PARD3B: variants seen among roughly 807,000 people sequenced by gnomAD.
PARD3B encodes partitioning defective 3 homolog B.
A neutral mutation model predicts 130.2 loss-of-function variants in PARD3B; 103 were observed. The ratio of observed to expected loss-of-function variants is 0.79; its 90% CI spans 0.67 to 0.93. PARD3B has a LOEUF of 0.93. Among genes scored for constraint, PARD3B ranks in the 40% least tolerant of loss-of-function variants. The pLI is 0.00. For missense variants in PARD3B, 1,609 were observed against 1,499.2 expected, an observed-to-expected ratio of 1.07 and a Z score of -1.21; for synonymous variants, 583 against 553.2, an observed-to-expected ratio of 1.05 and a Z score of -0.76.
At chr2:204,740,419 C>G (rs1355174436) in intron 2 of PARD3B, among the ~76,000 whole-genome samples, 2 of 152,188 alleles carry the variant, frequency 1.3e-5, no homozygotes, top group African/African-American at 4.8e-5. Flanking sequence ...CTTCAGTTAT[C>G]TATTTCTGTA....
intron 10 of PARD3B, among the ~76,000 whole-genome samples, chr2:205,154,526 C>A (rs2033983403): frequency 6.6e-6 from 1 of 152,162 alleles, no homozygotes; most frequent in Non-Finnish European, 1.5e-5. Context: ...TACTATTTGA[C>A]CCATCAATCC....
chr2:205,392,725 C>T (rs900702803), intron 18 of PARD3B, among the ~76,000 whole-genome samples: 1 of 152,064 alleles, frequency 6.6e-6, no homozygotes, highest in African/African-American at 2.4e-5. Flanking sequence ...TGCCATGGAA[C>T]GGATTTAGAG....
Position 204,548,870 on chromosome 2 carries a change from A to G in PARD3B, c.120+2751A>G, listed in dbSNP as rs184213191. ...AGACATCCAGGTGGCGAGTGCTATA[A>G]AGAACCAAATTTGGTGGGAACATGA... On this transcript the variant is annotated intron_variant, in intron 1 of 22. Coordinates refer to ENST00000406610, the MANE Select transcript of PARD3B (RefSeq NM_001302769.2). Among the ~76,000 whole-genome samples the G allele has an allele frequency of 4.6e-5, 7 of 152,324 alleles. No individual in the cohort carries two copies. The South Asian group carries it at 6.2e-4, about 14-fold the overall frequency.
chr2:204,886,480 A>G (rs1218906905), intron 2 of PARD3B, among the ~76,000 whole-genome samples: 4 of 152,204 alleles, frequency 2.6e-5, no homozygotes, highest in Non-Finnish European at 5.9e-5. Flanking sequence ...ATTGGGTCTT[A>G]GTGTTTTATG....
In PARD3B at chr2:205,617,521, G is replaced by A. The variant is rs1171643963; in HGVS notation, c.*1708G>A. On this transcript the variant is annotated 3_prime_UTR_variant, in exon 23 of 23. Transcript: ENST00000406610. ...TTCTGCTACCAAGAAGGATGCAACT[G>A]CTAGTTTTAGATGTAAATAGTGTTA... 4 of 152,280 alleles carry A rather than the reference G, an allele frequency of 2.6e-5. No individual in the cohort carries two copies. Among genetic ancestry groups the A allele is most frequent in the African/African-American group, 4.8e-5 (2 of 41,550 alleles). 9.4% of individuals were successfully genotyped at this position (152,280 alleles called of 1,614,324 possible). A position where few individuals can be genotyped will look rare whatever the true frequency, so the allele number is the denominator to read the frequency against.
chr2:204,733,993 A>G (rs2039634070), intron 2 of PARD3B, among the ~76,000 whole-genome samples: 1 of 152,212 alleles, frequency 6.6e-6, no homozygotes, highest in South Asian at 2.1e-4. Context: ...TTGTCAAGCC[A>G]AAGACTGGGA....
At chr2:205,464,295 A>T (rs60623560) in intron 20 of PARD3B, among the ~76,000 whole-genome samples, 366 of 152,336 alleles carry the variant, frequency 2.4e-3, no homozygotes, top group African/African-American at 8.3e-3. Context: ...GGATAAATCA[A>T]TGAATGAATG....
chr2:204,883,221 A>G (rs1031479443), intron 2 of PARD3B, among the ~76,000 whole-genome samples: 1 of 151,196 alleles, frequency 6.6e-6, no homozygotes, highest in Non-Finnish European at 1.5e-5. Context: ...CCTTTTCCTC[A>G]TCGTTTTCTC....
At chr2:204,988,556 T>C (rs1693378961) in intron 3 of PARD3B, among the ~76,000 whole-genome samples, 3 of 152,210 alleles carry the variant, frequency 2.0e-5, no homozygotes, top group Admixed American at 2.0e-4. Flanking sequence ...CATGATGTGC[T>C]TATTTCATAT....
chr2:205,576,154 T>G (rs1294029643), intron 22 of PARD3B, among the ~76,000 whole-genome samples: 1 of 152,044 alleles, frequency 6.6e-6, no homozygotes, highest in Non-Finnish European at 1.5e-5. Flanking sequence ...CATATACTGA[T>G]TTGCCATGTG....
intron 4 of PARD3B, among the ~76,000 whole-genome samples, chr2:205,097,055 C>A (rs1423206413): frequency 6.6e-6 from 1 of 152,050 alleles, no homozygotes; most frequent in African/African-American, 2.4e-5. Flanking sequence ...CTTTCTTTGA[C>A]CTTCAGTTTC....
intron 3 of PARD3B, among the ~76,000 whole-genome samples, chr2:205,026,945 T>C (rs1373661553): frequency 1.3e-5 from 2 of 152,176 alleles, no homozygotes; most frequent in Non-Finnish European, 2.9e-5. Flanking sequence ...GAGGTTGTTA[T>C]TGTAGGTGTT....
At chr2:204,863,749 A>G (rs2045305333) in intron 2 of PARD3B, among the ~76,000 whole-genome samples, 1 of 152,212 alleles carries the variant, frequency 6.6e-6, no homozygotes, top group Admixed American at 6.5e-5. Flanking sequence ...TGTGCATGAA[A>G]TTTGCAGTGC....
chr2:204,953,289 TTCTTTATTTG>T (rs1408703619), intron 2 of PARD3B, among the ~76,000 whole-genome samples: 1 of 152,170 alleles, frequency 6.6e-6, no homozygotes, highest in Non-Finnish European at 1.5e-5. Context: ...CATATGAATT[TTCTTTATTTG>T]TCTTTATGGA....
At chr2:204,904,492 CATCGTCT>C (rs1420816688) in intron 2 of PARD3B, among the ~76,000 whole-genome samples, 5 of 152,120 alleles carry the variant, frequency 3.3e-5, no homozygotes, top group Non-Finnish European at 5.9e-5. Flanking sequence ...TATTTGCATC[CATCGTCT>C]ACCCTTCTAT....
chr2:205,300,629 T>C lies in PARD3B; in HGVS notation c.2285T>C (p.Leu762Pro), dbSNP rs201433985. 2.5e-6 allele frequency: 4 copies of C among 1,613,952 alleles called. No homozygotes were observed. Among genetic ancestry groups the C allele is most frequent in the East Asian group, 4.5e-5 (2 of 44,876 alleles). ...TAVAEVRKND[L>P]PFHRPRPHMV... ...GTGGCCGAGGTCAGGAAGAATGACC[T>C]TCCCTTTCACAGGCCCCGGCCGCAC... is the stretch of plus-strand genomic sequence containing the variant. The change falls in exon 17 of 23, where the codon CTT becomes CCT. Residue 762 changes from leucine (L) to proline (P), a missense_variant. Coordinates refer to ENST00000406610, the MANE Select transcript of PARD3B (RefSeq NM_001302769.2). The surrounding 1 kb of genome is among the most constrained non-coding windows in gnomAD (Gnocchi z 4.1).
chr2:204,615,568 T>C (rs1256245845), intron 1 of PARD3B, among the ~76,000 whole-genome samples: 1 of 152,152 alleles, frequency 6.6e-6, no homozygotes, highest in Non-Finnish European at 1.5e-5. Context: ...GTATAGTTTA[T>C]CCAAACCCCA....
In PARD3B at chr2:205,143,813, C is replaced by T. The variant is rs540865166; in HGVS notation, c.1435-14909C>T. ...CCTACTTCAGGAAAATCTCACAAAC[C>T]AAGATGCTACTCTGAGGTTCAGAGC... On this transcript the variant is annotated intron_variant, in intron 10 of 22. Transcript: ENST00000406610. Among the ~76,000 whole-genome samples, 32 of 152,154 alleles carry T rather than the reference C, an allele frequency of 2.1e-4. 1 individual carries two copies. In the East Asian group the frequency reaches 6.2e-3, roughly 29 times the overall value.
intron 20 of PARD3B, among the ~76,000 whole-genome samples, chr2:205,465,913 T>A (rs1354918074): frequency 6.6e-6 from 1 of 152,180 alleles, no homozygotes; most frequent in African/African-American, 2.4e-5. Context: ...CTCTGGTGCT[T>A]TTTCATAAGC....
Sources: allele counts gnomAD v4.1 joint callset (sites outside exome capture counted in the v4.1 genomes callset), GRCh38; gene constraint gnomAD v4.1.1; non-coding constraint Gnocchi (gnomAD v3.1); transcripts MANE v1.5; gene names NCBI Gene and HGNC (gene_info 2026-07-23, HGNC 2026-07-21).